The following BIRC6 variants were observed in gnomAD, a reference collection of about 807,000 sequenced individuals.
BIRC6 encodes the protein baculoviral IAP repeat containing 6, also known as dual E2 ubiquitin-conjugating enzyme/E3 ubiquitin-protein ligase BIRC6.
In BIRC6, 98 loss-of-function variants were observed where a neutral mutation model predicts 503.3. That is an observed-to-expected ratio of 0.19 (90% CI 0.17 to 0.23). BIRC6 has a LOEUF of 0.23. Ranked by LOEUF, BIRC6 falls within the 10% of genes least tolerant of loss-of-function variation. The probability of loss-of-function intolerance (pLI) is 1.00; values close to 1 mark genes in which losing one functional copy is unlikely to be tolerated. For synonymous variants in BIRC6, 2,240 were observed against 2,078.7 expected, an observed-to-expected ratio of 1.08 and a Z score of -2.11; for missense variants, 5,360 against 5,806.0, an observed-to-expected ratio of 0.92 and a Z score of 2.50.
chr2:32,435,448 CT>C (rs1344552591), intron 13 of BIRC6, 47 bp from the exon 14 acceptor site: 1 of 1,484,030 alleles, frequency 6.7e-7, no homozygotes, highest in East Asian at 2.6e-5. Context: ...TATTTTTATC[CT>C]CTAGAAACAG....
Position 32,471,866 on chromosome 2 carries a change from A to T in BIRC6, c.6592+742A>T, listed in dbSNP as rs1263737720. 3.9e-5 allele frequency among the ~76,000 whole-genome samples: 6 copies of T among 152,124 alleles called. No individual in the cohort carries two copies. In the East Asian group the frequency reaches 7.7e-4, roughly 20 times the overall value. On this transcript the variant is annotated intron_variant, in intron 32 of 73. Coordinates refer to ENST00000421745, the MANE Select transcript of BIRC6 (RefSeq NM_016252.4). ...ATTTGGAATTCTGTACATTGTCAGG[A>T]ACTCAGTATTTTTAAGAGTTCCCTT...
chr2:32,513,236 T>G, intron 54 of BIRC6, 82 bp downstream of exon 54: 1 of 966,092 alleles, frequency 1.0e-6, no homozygotes, highest in Non-Finnish European at 1.6e-6. Flanking sequence ...ATATTTTACA[T>G]GTTTATTAGG....
chr2:32,380,588 G>A (rs975260404), intron 3 of BIRC6, among the ~76,000 whole-genome samples: 94 of 152,104 alleles, frequency 6.2e-4, no homozygotes, highest in African/African-American at 2.2e-3. Context: ...TTAGCCAGGC[G>A]TGGTGGCAGG....
chr2:32,425,829 A>G (rs954560873), intron 10 of BIRC6, among the ~76,000 whole-genome samples: 5 of 152,208 alleles, frequency 3.3e-5, no homozygotes, highest in Non-Finnish European at 5.9e-5. Context: ...AGACCAACCA[A>G]AATGCACAAC....
chr2:32,497,052 T>A (rs113940115), intron 45 of BIRC6, among the ~76,000 whole-genome samples: 2,540 of 152,344 alleles, frequency 0.017, 52 homozygotes, highest in African/African-American at 0.058. Flanking sequence ...AAGTTCCAGT[T>A]TGTTTCTAAC....
At chr2:32,429,600 C>T (rs777112416) in intron 11 of BIRC6, among the ~76,000 whole-genome samples, 4 of 151,634 alleles carry the variant, frequency 2.6e-5, no homozygotes, top group Admixed American at 6.6e-5. Flanking sequence ...AAAAAAAATA[C>T]TGTCACTGAG....
chr2:32,489,908 C>G, intron 42 of BIRC6, 133 bp from the exon 43 acceptor site: 1 of 613,878 alleles, frequency 1.6e-6, no homozygotes, highest in Non-Finnish European at 2.9e-6. Flanking sequence ...CTTTTATTTG[C>G]ATGTTTTGAA....
chr2:32,417,611 A>G (rs72867248), intron 10 of BIRC6, among the ~76,000 whole-genome samples: 5,013 of 152,208 alleles, frequency 0.033, 205 homozygotes, highest in African/African-American at 0.1. Flanking sequence ...TGGCAGAGGA[A>G]TTAGGATCTG....
chr2:32,377,578 C>CT lies in BIRC6; in HGVS notation c.326-6dup, dbSNP rs764663803. The CT allele has an allele frequency of 1.0e-5, 16 of 1,584,948 alleles. No individual in the cohort carries two copies. The Admixed American group carries it at 3.0e-4, about 29-fold the overall frequency. ...AAATCTTAAGTGTTGAATTTTTGTT[C>CT]TTTTAACAGCTAAACCAGGTGGACA... On this transcript the variant is annotated splice_polypyrimidine_tract_variant and intron_variant, in intron 1 of 73. Transcript: ENST00000421745.
At chr2:32,497,141 A>G (rs756788428) in intron 45 of BIRC6, among the ~76,000 whole-genome samples, 2 of 152,140 alleles carry the variant, frequency 1.3e-5, no homozygotes, top group African/African-American at 2.4e-5. Flanking sequence ...ATGAACATAG[A>G]TTGTTTCTTC....
intron 33 of BIRC6, among the ~76,000 whole-genome samples, chr2:32,473,706 CGTGTGT>C (rs70938348): frequency 0.011 from 775 of 72,676 alleles, 6 homozygotes; most frequent in Middle Eastern, 0.016. Context: ...TCTCCTTTTT[CGTGTGT>C]GTGTGTGTGT....
intron 45 of BIRC6, among the ~76,000 whole-genome samples, chr2:32,496,843 C>T (rs888425648): frequency 6.6e-6 from 1 of 152,156 alleles, no homozygotes; most frequent in Admixed American, 6.5e-5. Context: ...TTCCTCCTTT[C>T]TTATGCATAT....
chr2:32,461,376 G>GTGTGTGTT (rs1359956063), intron 23 of BIRC6, among the ~76,000 whole-genome samples: 85 of 150,078 alleles, frequency 5.7e-4, no homozygotes, highest in Non-Finnish European at 9.2e-4. Flanking sequence ...GTGTGTGTGT[G>GTGTGTGTT]TGTGTGTTTA....
Position 32,481,467 on chromosome 2 carries a change from G to T in BIRC6, c.7542+14G>T. ...AAGGTTTTTAAGGTATGATACATGA[G>T]AATAGTCTTTGAAAGGAGGCCGGGC... On this transcript the variant is annotated intron_variant, in intron 38 of 73. Transcript: ENST00000421745. 6.3e-7 allele frequency: 1 copy of T among 1,593,648 alleles called. No homozygotes were observed. Among genetic ancestry groups the T allele is most frequent in the Non-Finnish European group, 8.5e-7 (1 of 1,170,028 alleles).
chr2:32,480,593 A>T (rs2149172176), intron 37 of BIRC6, among the ~76,000 whole-genome samples: 1 of 137,746 alleles, frequency 7.3e-6, no homozygotes, highest in African/African-American at 2.7e-5. Context: ...ATAATTTCTA[A>T]TTCATAACAG....
chr2:32,461,151 C>T (rs1417058331), intron 23 of BIRC6, among the ~76,000 whole-genome samples: 3 of 7,916 alleles, frequency 3.8e-4, no homozygotes, highest in Non-Finnish European at 6.8e-4. Flanking sequence ...CCCTCCCCTC[C>T]CCTCCCCTCT....
chr2:32,535,574 C>T (rs1043198329), intron 61 of BIRC6, among the ~76,000 whole-genome samples: 6 of 152,064 alleles, frequency 3.9e-5, no homozygotes, highest in East Asian at 1.9e-4. Flanking sequence ...TTCGTCCTTG[C>T]GATAGTTTGC....
chr2:32,371,242 G>GAAAAAAAAAAAAAAAAAAAAAAA (rs2035900720), intron 1 of BIRC6, among the ~76,000 whole-genome samples: 1 of 145,262 alleles, frequency 6.9e-6, no homozygotes, highest in African/African-American at 2.6e-5. Context: ...AAAAAAAAAG[G>GAAAAAAAAAAAAAAAAAAAAAAA]AAATTTTCAG....
intron 72 of BIRC6, among the ~76,000 whole-genome samples, chr2:32,610,044 C>T (rs1277149969): frequency 1.3e-5 from 2 of 152,132 alleles, no homozygotes; most frequent in African/African-American, 4.8e-5. Flanking sequence ...ACACTCCCGT[C>T]CCATCTGATT....
Sources: allele counts gnomAD v4.1 joint callset (sites outside exome capture counted in the v4.1 genomes callset), GRCh38; gene constraint gnomAD v4.1.1; transcripts MANE v1.5; gene names NCBI Gene and HGNC (gene_info 2026-07-23, HGNC 2026-07-21).